The following NAPG variants were observed in gnomAD, a reference collection of about 807,000 sequenced individuals.
NAPG encodes NSF attachment protein gamma, also known as gamma-soluble NSF attachment protein.
A neutral mutation model predicts 48.4 loss-of-function variants in NAPG; 25 were observed. The observed-to-expected ratio is 0.52, with a 90% CI of 0.38 to 0.72. The LOEUF is 0.72. Among genes scored for constraint, NAPG ranks in the 30% least tolerant of loss-of-function variants. The pLI, the probability that NAPG is intolerant of heterozygous loss-of-function variation, is 0.00. For synonymous variants in NAPG, 139 were observed against 127.2 expected (o/e 1.09, Z -0.62); for missense variants, 359 against 372.5 (o/e 0.96, Z 0.30).
intron 2 of NAPG, among the ~76,000 whole-genome samples, 169 bp downstream of exon 2, chr18:10,531,006 ATGTGTT>A: frequency 6.6e-6 from 1 of 152,072 alleles, no homozygotes; most frequent in East Asian, 1.9e-4. Flanking sequence ...TTATTTTCAG[ATGTGTT>A]GAGAGCTGAG....
chr18:10,540,673 T>G (rs925545058), intron 8 of NAPG: 2 of 301,212 alleles, frequency 6.6e-6, no homozygotes, highest in Non-Finnish European at 1.2e-5. Context: ...GGGAACAGTT[T>G]CCTTCATCTG....
rs2032393041 is a variant in NAPG at position 10,551,490 on chromosome 18, G to A, written c.*1270G>A. ...CTTTATAGTTATTTCCTAAAATGCTGTTTTCGAAACATTCCTTTTTCACCC... is the reference window on the plus strand; with the variant it reads ...CTTTATAGTTATTTCCTAAAATGCTATTTTCGAAACATTCCTTTTTCACCC... On this transcript the variant is annotated 3_prime_UTR_variant, in exon 12 of 12. Coordinates refer to ENST00000322897, the MANE Select transcript of NAPG (RefSeq NM_003826.3). The A allele has an allele frequency of 6.6e-6, 1 of 152,200 alleles. No homozygotes were observed. The highest frequency in any genetic ancestry group is 2.4e-5 in the African/African-American group (1 of 41,446). The allele number at this position is 152,200 out of a possible 1,614,324, so 9.4% of individuals were successfully genotyped here. A position where few individuals can be genotyped will look rare whatever the true frequency, so the allele number is the denominator to read the frequency against.
chr18:10,541,808 C>G (rs565617836), intron 8 of NAPG, among the ~76,000 whole-genome samples: 6 of 152,348 alleles, frequency 3.9e-5, no homozygotes, highest in Non-Finnish European at 7.3e-5. Context: ...AAAGTCCAGA[C>G]TGCATCAGCT....
chr18:10,532,941 T>A, intron 3 of NAPG, 146 bp downstream of exon 3: 1 of 724,900 alleles, frequency 1.4e-6, no homozygotes, highest in Non-Finnish European at 2.2e-6. Flanking sequence ...ATTTTTAAAC[T>A]ATGAAGGAGC....
intron 2 of NAPG, among the ~76,000 whole-genome samples, chr18:10,532,069 G>T (rs1159923826): frequency 6.6e-6 from 1 of 152,064 alleles, no homozygotes; most frequent in African/African-American, 2.4e-5. Flanking sequence ...CCCTTGATAA[G>T]TTTTCCAAAA....
rs2032361803 is a variant in NAPG, at chr18:10,550,304, T to G, written c.*84T>G. ...AGGACTTGGGAATAGATTAGGGATA[T>G]CCGTACTTCATTACAGTCATGATTT... is the stretch of plus-strand genomic sequence containing the variant. On this transcript the variant is annotated 3_prime_UTR_variant, in exon 12 of 12. Transcript: ENST00000322897. 2 of 1,397,328 alleles carry G rather than the reference T, an allele frequency of 1.4e-6. No individual in the cohort carries two copies. Among genetic ancestry groups the G allele is most frequent in the African/African-American group, 1.5e-5 (1 of 66,158 alleles). 86.6% of individuals were successfully genotyped at this position (1,397,328 alleles called of 1,614,324 possible).
rs372312862 is a variant in NAPG, at chr18:10,550,074, C to T, written c.796-3C>T. On this transcript the variant is annotated splice_polypyrimidine_tract_variant and splice_region_variant and intron_variant, in intron 11 of 11. Coordinates refer to ENST00000322897, the MANE Select transcript of NAPG (RefSeq NM_003826.3). The stretch of plus-strand genomic sequence containing the variant: ...TTTTAAGAACATGTTCTGTTGTTGA[C>T]AGTATGCTAAGCTGGGCCTGAGTTT... 2.5e-5 allele frequency: 38 copies of T among 1,544,798 alleles called. No homozygotes were observed. The highest frequency in any genetic ancestry group is 3.1e-5 in the Non-Finnish European group (36 of 1,154,018).
rs540194440 is a variant in NAPG at position 10,539,819 on chromosome 18, C to G, written c.316C>G (p.Leu106Val). Residue 106 changes from leucine to valine, a missense_variant, in exon 6 of 12, where the codon CTA (leucine) becomes GTA (valine). Coordinates refer to ENST00000322897, the MANE Select transcript of NAPG (RefSeq NM_003826.3). The surrounding 1 kb of genome is among the most constrained non-coding windows in gnomAD (Gnocchi z 4.7). ...AATTGAGAAGGCCAGCATGATGTAT[C>G]TAGAAAACGGCACCCCAGACACAGC... ...QLIEKASMMY[L>V]ENGTPDTAAM... The G allele has an allele frequency of 1.1e-5, 17 of 1,614,014 alleles. No individual in the cohort carries two copies. The highest frequency in any genetic ancestry group is 1.4e-5 in the Non-Finnish European group (17 of 1,179,894).
Position 10,543,717 on chromosome 18 carries a change from A to T in NAPG, c.507-2609A>T, listed in dbSNP as rs184133142. Reference sequence around the variant, plus strand: ...CATTTGGGGAAGATAAAAACAATTTATTCTTTTTTCAGCAAAACCAAATTC... The same window carrying T: ...CATTTGGGGAAGATAAAAACAATTTTTTCTTTTTTCAGCAAAACCAAATTC... On this transcript the variant is annotated intron_variant, in intron 8 of 11. Coordinates refer to ENST00000322897, the MANE Select transcript of NAPG (RefSeq NM_003826.3). The surrounding 1 kb of genome is among the most constrained non-coding windows in gnomAD (Gnocchi z 4.4). Among the ~76,000 whole-genome samples, 3 of 152,206 alleles carry T rather than the reference A, an allele frequency of 2.0e-5. No homozygotes were observed. Among genetic ancestry groups the T allele is most frequent in the East Asian group, 1.9e-4 (1 of 5,208 alleles).
Position 10,533,104 on chromosome 18 carries a change from A to G in NAPG, c.209+309A>G. On this transcript the variant is annotated intron_variant, in intron 3 of 11. Transcript: ENST00000322897. Reference sequence around the variant, plus strand: ...GTGCTGAAGAATGAAGAAGTAGCACAGGTATTGAAAACACGTGAACTACTG... The same window carrying G: ...GTGCTGAAGAATGAAGAAGTAGCACGGGTATTGAAAACACGTGAACTACTG... The G allele has an allele frequency of 1.0e-5, 3 of 299,620 alleles. No individual in the cohort carries two copies. In the South Asian group the frequency reaches 2.7e-4, roughly 27 times the overall value. 18.6% of individuals were successfully genotyped at this position (299,620 alleles called of 1,614,324 possible). A position where few individuals can be genotyped will look rare whatever the true frequency, so the allele number is the denominator to read the frequency against.
At chr18:10,533,247 ATT>A (rs2031966950) in intron 3 of NAPG, 1 of 323,866 alleles carries the variant, frequency 3.1e-6, no homozygotes, top group South Asian at 1.0e-4. Flanking sequence ...TGTTTCTCTT[ATT>A]TGCAAACTGT....
At chr18:10,536,721 A>G (rs183999828) in intron 5 of NAPG, among the ~76,000 whole-genome samples, 6 of 152,136 alleles carry the variant, frequency 3.9e-5, no homozygotes, top group Admixed American at 6.5e-5. Context: ...CTTCTAATGT[A>G]TTTTTTGCTC....
At position 10,550,612 on chromosome 18, in the gene NAPG, A is replaced by C. The variant is rs1331646382; in HGVS notation, c.*392A>C. On this transcript the variant is annotated 3_prime_UTR_variant, in exon 12 of 12. Coordinates refer to ENST00000322897, the MANE Select transcript of NAPG (RefSeq NM_003826.3). ...AATTGTTTTTTACGTTTCATTTAAT[A>C]ATTGCTGCTAAAGGTGATGTTTACT... 1 of 156,922 alleles carries C rather than the reference A, an allele frequency of 6.4e-6. No homozygotes were observed. Among genetic ancestry groups the C allele is most frequent in the Non-Finnish European group, 1.4e-5 (1 of 71,280 alleles). 9.7% of individuals were successfully genotyped at this position (156,922 alleles called of 1,614,324 possible). A position where few individuals can be genotyped will look rare whatever the true frequency, so the allele number is the denominator to read the frequency against.
chr18:10,548,171 C>A lies in NAPG; in HGVS notation c.586-128C>A. On this transcript the variant is annotated intron_variant, in intron 9 of 11. Transcript: ENST00000322897. The surrounding 1 kb of genome is among the most constrained non-coding windows in gnomAD (Gnocchi z 4.4). ...AGGTGTCCCGTGGAAGTTACTATAGCATTTATAAATCTCTGTTTATACAAA... is the reference window on the plus strand; with the variant it reads ...AGGTGTCCCGTGGAAGTTACTATAGAATTTATAAATCTCTGTTTATACAAA... 1.5e-6 allele frequency: 1 copy of A among 663,588 alleles called. No individual in the cohort carries two copies. The highest frequency in any genetic ancestry group is 2.6e-6 in the Non-Finnish European group (1 of 378,228). The allele number at this position is 663,588 out of a possible 1,614,324, so 41.1% of individuals were successfully genotyped here.
intron 1 of NAPG, among the ~76,000 whole-genome samples, chr18:10,529,142 G>T (rs1217055914): frequency 1.3e-5 from 2 of 152,110 alleles, no homozygotes; most frequent in Non-Finnish European, 2.9e-5. Context: ...AACTCTCTGG[G>T]TCTTTCCGTG....
At position 10,548,440 on chromosome 18, in the gene NAPG, A is replaced by G; in HGVS notation, c.665+62A>G. 1 of 1,318,470 alleles carries G rather than the reference A, an allele frequency of 7.6e-7. No homozygotes were observed. The highest frequency in any genetic ancestry group is 1.1e-6 in the Non-Finnish European group (1 of 914,208). 81.7% of individuals were successfully genotyped at this position (1,318,470 alleles called of 1,614,324 possible). On this transcript the variant is annotated intron_variant, in intron 10 of 11. Transcript: ENST00000322897. This position sits in a 1 kb window ranked among gnomAD's most constrained non-coding sequence, Gnocchi z 4.4. ...CGACACCTCTGTGTCTACAACTAAG[A>G]TTGCTGCTAGGACACATGTTCCTGG...
intron 1 of NAPG, among the ~76,000 whole-genome samples, chr18:10,527,894 T>C (rs1016342216): frequency 2.0e-5 from 3 of 152,178 alleles, no homozygotes; most frequent in African/African-American, 7.2e-5. Context: ...GTGAAAGAAA[T>C]GTGGCAGCAG....
rs1235686252 is a variant in NAPG, at chr18:10,550,880, G to A, written c.*660G>A. 1 of 151,848 alleles carries A rather than the reference G, an allele frequency of 6.6e-6. No homozygotes were observed. The highest frequency in any genetic ancestry group is 2.4e-5 in the African/African-American group (1 of 41,334). The allele number at this position is 151,848 out of a possible 1,614,324, so 9.4% of individuals were successfully genotyped here. A position where few individuals can be genotyped will look rare whatever the true frequency, so the allele number is the denominator to read the frequency against. On this transcript the variant is annotated 3_prime_UTR_variant, in exon 12 of 12. Coordinates refer to ENST00000322897, the MANE Select transcript of NAPG (RefSeq NM_003826.3). ...TATCTTCAGTCCTCTCTGAAGTGTG[G>A]GTATTTCTTCTATCTAAAAAATACA...
At chr18:10,545,786 A>G (rs2032250441) in intron 8 of NAPG, among the ~76,000 whole-genome samples, 1 of 152,234 alleles carries the variant, frequency 6.6e-6, no homozygotes, top group South Asian at 2.1e-4. Flanking sequence ...GAAAAGATGA[A>G]TGTTGAAGAC....
Sources: gnomAD v4.1 joint callset for allele counts (sites outside exome capture counted in the v4.1 genomes callset) on GRCh38, gnomAD v4.1.1 for gene constraint, Gnocchi (gnomAD v3.1) non-coding constraint, MANE v1.5 for transcripts, NCBI Gene and HGNC (gene_info 2026-07-23, HGNC 2026-07-21) for gene names.